ALG1: variants seen among roughly 807,000 people sequenced by gnomAD.
ALG1 encodes the protein chitobiosyldiphosphodolichol beta-mannosyltransferase.
ALG1 carries 58 observed loss-of-function variants against 55.1 expected under a neutral mutation model. The ratio of observed to expected loss-of-function variants is 1.05; its 90% confidence interval spans 0.85 to 1.31. The LOEUF is 1.31. Among genes scored for constraint, ALG1 ranks in the 50% most tolerant of loss-of-function variants. The pLI is 0.00. For missense variants in ALG1, 761 were observed against 598.6 expected (o/e 1.27, Z -2.83); for synonymous variants, 309 against 247.0 (o/e 1.25, Z -2.35).
intron 1 of ALG1, chr16:5,072,370 C>G: frequency 2.5e-6 from 2 of 798,730 alleles, no homozygotes; most frequent in Non-Finnish European, 3.7e-6. Context: ...GTGCAGCTAC[C>G]CTTGTCAGGC....
Position 5,085,453 on chromosome 16 carries a change from G to A in ALG1, c.*572G>A. 2 of 614,560 alleles carry A rather than the reference G, an allele frequency of 3.3e-6. No homozygotes were observed. The highest frequency in any genetic ancestry group is 1.9e-5 in the South Asian group (1 of 52,040). The allele number at this position is 614,560 out of a possible 1,614,324, so 38.1% of individuals were successfully genotyped here. On this transcript the variant is annotated 3_prime_UTR_variant, in exon 13 of 13. Coordinates refer to ENST00000262374, the MANE Select transcript of ALG1 (RefSeq NM_019109.5). ...AACCAGAACTGCTGGCAGAAAGGGGGCACCCACACGCTTAGATAGCCGATG... is the reference window on the plus strand; with the variant it reads ...AACCAGAACTGCTGGCAGAAAGGGGACACCCACACGCTTAGATAGCCGATG...
Position 5,075,499 on chromosome 16 carries a change from C to T in ALG1, c.502C>T (p.His168Tyr), listed in dbSNP as rs746403265. 33 of 1,614,062 alleles carry T rather than the reference C, an allele frequency of 2.0e-5. 1 individual carries two copies. The South Asian group carries it at 3.6e-4, about 18-fold the overall frequency. The change falls in exon 4 of 13, where the codon CAT (histidine) becomes TAT (tyrosine). Residue 168 changes from histidine (H) to tyrosine (Y), a missense_variant. Transcript: ENST00000262374. ...TGGCTACTCCATCATGGGTCTGGTGCATGGCCCCAACCATCCCCTCGTTCT... is the reference window on the plus strand; with the variant it reads ...TGGCTACTCCATCATGGGTCTGGTGTATGGCCCCAACCATCCCCTCGTTCT... ...NYGYSIMGLVHGPNHPLVLLA... is the reference protein window; with the variant it reads ...NYGYSIMGLVYGPNHPLVLLA...
At chr16:5,076,533 C>A (rs542826753) in intron 4 of ALG1, among the ~76,000 whole-genome samples, 1 of 152,238 alleles carries the variant, frequency 6.6e-6, no homozygotes, top group Non-Finnish European at 1.5e-5. Context: ...ATATCCCAGG[C>A]AAGCCCATTT....
At position 5,086,330 on chromosome 16, in the gene ALG1, G is replaced by C. The variant is rs1293962086; in HGVS notation, c.*1449G>C. ...AGCCTGAGTGACAGGGTGAGACTAAGTCTCAAAAAAAAAAAAAAAAAACCA... is the reference window on the plus strand; with the variant it reads ...AGCCTGAGTGACAGGGTGAGACTAACTCTCAAAAAAAAAAAAAAAAAACCA... On this transcript the variant is annotated 3_prime_UTR_variant, in exon 13 of 13. Coordinates refer to ENST00000262374, the MANE Select transcript of ALG1 (RefSeq NM_019109.5). 4.7e-5 allele frequency among the ~76,000 whole-genome samples: 2 copies of C among 42,414 alleles called. No individual in the cohort carries two copies. The highest frequency in any genetic ancestry group is 1.5e-4 in the African/African-American group (2 of 13,412). 27.8% of individuals were successfully genotyped at this position (42,414 alleles called of 152,430 possible).
At chr16:5,075,063 C>G (rs1224168382) in intron 3 of ALG1, among the ~76,000 whole-genome samples, 1 of 152,144 alleles carries the variant, frequency 6.6e-6, no homozygotes, top group Non-Finnish European at 1.5e-5. Context: ...CCCACCACAC[C>G]TGGCTAATTT....
chr16:5,073,421 C>A (rs1189785786), intron 3 of ALG1, 165 bp downstream of exon 3: 6 of 676,716 alleles, frequency 8.9e-6, no homozygotes, highest in Non-Finnish European at 1.6e-5. Context: ...GGCACCTATC[C>A]ATGCTCTCTG....
intron 12 of ALG1, among the ~76,000 whole-genome samples, chr16:5,084,099 GA>G (rs1297352550): frequency 1.8e-4 from 27 of 152,296 alleles, no homozygotes; most frequent in African/African-American, 6.3e-4. Flanking sequence ...AGCCTTGAAA[GA>G]TGGGTGGAAT....
rs1957200170 is a variant in ALG1 at position 5,086,984 on chromosome 16, A to G, written c.*2103A>G. On this transcript the variant is annotated 3_prime_UTR_variant, in exon 13 of 13. Transcript: ENST00000262374. Reference sequence around the variant, plus strand: ...GCGTGAGACACTGTGACCCGGGACGATTTTCAATCACAGTTTTTTGTTACG... The same window carrying G: ...GCGTGAGACACTGTGACCCGGGACGGTTTTCAATCACAGTTTTTTGTTACG... The G allele has an allele frequency of 6.6e-6, 1 of 152,138 alleles. No individual in the cohort carries two copies. Among genetic ancestry groups the G allele is most frequent in the Admixed American group, 6.5e-5 (1 of 15,268 alleles). 9.4% of individuals were successfully genotyped at this position (152,138 alleles called of 1,614,324 possible).
chr16:5,079,922 C>G (rs373546911), intron 9 of ALG1, 115 bp downstream of exon 9: 1 of 1,367,592 alleles, frequency 7.3e-7, no homozygotes, highest in Non-Finnish European at 1.0e-6. Context: ...CACTGCAGCT[C>G]TGCCATAGGG....
At chr16:5,072,265 T>C (rs1956829661) in intron 1 of ALG1, 1 of 1,465,822 alleles carries the variant, frequency 6.8e-7, no homozygotes, top group Non-Finnish European at 9.0e-7. Context: ...CAGAAGTGTG[T>C]TAAGTGAATC....
chr16:5,082,513 C>G, intron 10 of ALG1, 46 bp from the exon 11 acceptor site: 1 of 1,594,720 alleles, frequency 6.3e-7, no homozygotes, highest in Non-Finnish European at 8.6e-7. Context: ...GATTTGTGTT[C>G]CCAGGGCAGA....
At chr16:5,080,847 T>C in intron 9 of ALG1, 99 bp from the exon 10 acceptor site, 1 of 1,498,538 alleles carries the variant, frequency 6.7e-7, no homozygotes, top group African/African-American at 1.4e-5. Context: ...GTGGAGCTTC[T>C]GGGAAAGGGA....
chr16:5,077,596 G>A, intron 5 of ALG1, 62 bp downstream of exon 5: 1 of 1,488,698 alleles, frequency 6.7e-7, no homozygotes, highest in Non-Finnish European at 9.4e-7. Context: ...TGGCTGCAGT[G>A]AGAGCTGCCT....
At chr16:5,078,404 A>T in intron 6 of ALG1, 1 of 589,576 alleles carries the variant, frequency 1.7e-6, no homozygotes, top group Non-Finnish European at 3.2e-6. Context: ...CATGGGGCTA[A>T]GGAGGGGACC....
In ALG1 at chr16:5,071,880, C is replaced by T. The variant is rs567776272; in HGVS notation, c.31C>T (p.Leu11=). 27 of 1,603,476 alleles carry T rather than the reference C, an allele frequency of 1.7e-5. No homozygotes were observed. Among genetic ancestry groups the T allele is most frequent in the Admixed American group, 3.4e-5 (2 of 59,208 alleles). Residue 11 remains leucine (L), a synonymous_variant, in exon 1 of 13, where the codon CTG becomes TTG. Transcript: ENST00000262374. MAASCLVLLA[L]CLLLPLLLLG... ...GGCCTCATGCTTGGTCCTGCTGGCG[C>T]TGTGTCTGCTGCTGCCGCTGCTGCT...
At chr16:5,082,765 C>G in intron 11 of ALG1, 92 bp downstream of exon 11, 2 of 1,489,244 alleles carry the variant, frequency 1.3e-6, no homozygotes, top group Non-Finnish European at 1.8e-6. Flanking sequence ...ACAGTGAGGC[C>G]CTGCCCCTCG....
Position 5,071,844 on chromosome 16 carries a change from G to A in ALG1, c.-6G>A, listed in dbSNP as rs371460868. The A allele has an allele frequency of 1.6e-5, 25 of 1,603,020 alleles. No homozygotes were observed. The highest frequency in any genetic ancestry group is 4.0e-5 in the African/African-American group (3 of 74,878). On this transcript the variant is annotated 5_prime_UTR_variant, in exon 1 of 13. Coordinates refer to ENST00000262374, the MANE Select transcript of ALG1 (RefSeq NM_019109.5). ...GCGGTCACGTGACTGCTGCGGGCCA[G>A]CCAAGATGGCGGCCTCATGCTTGGT...
intron 11 of ALG1, among the ~76,000 whole-genome samples, chr16:5,082,957 C>G (rs1474366911): frequency 6.6e-6 from 1 of 152,152 alleles, no homozygotes; most frequent in Non-Finnish European, 1.5e-5. Flanking sequence ...AATATGAAAA[C>G]AAAAAGCACC....
In ALG1 at chr16:5,071,864, C is replaced by A. The variant is rs752922461; in HGVS notation, c.15C>A (p.Cys5Ter). 1.2e-6 allele frequency: 2 copies of A among 1,604,814 alleles called. No homozygotes were observed. Among genetic ancestry groups the A allele is most frequent in the East Asian group, 2.2e-5 (1 of 44,706 alleles). Residue 5 changes from cysteine (C) to a stop codon, truncating the protein, a stop_gained, in exon 1 of 13, where the codon TGC becomes TGA. Transcript: ENST00000262374. LOFTEE classifies it high-confidence loss of function. MAAS[C>*]LVLLALCLLL... ...GGCCAGCCAAGATGGCGGCCTCATG[C>A]TTGGTCCTGCTGGCGCTGTGTCTGC...
Sources: gnomAD v4.1 joint callset for allele counts (sites outside exome capture counted in the v4.1 genomes callset) on GRCh38, gnomAD v4.1.1 for gene constraint, MANE v1.5 for transcripts, NCBI Gene and HGNC (gene_info 2026-07-23, HGNC 2026-07-21) for gene names.